FBXL15: variants seen among roughly 807,000 people sequenced by gnomAD.
FBXL15 encodes F-box and leucine rich repeat protein 15.
Under a neutral mutation model 23.6 loss-of-function variants are expected in FBXL15, and 19 were observed. The ratio of observed to expected loss-of-function variants is 0.81; its 90% CI spans 0.56 to 1.18. The LOEUF is 1.18. Ranked by LOEUF, FBXL15 falls within the 50% of genes most tolerant of loss-of-function variation. FBXL15 has a pLI of 0.00. For synonymous variants in FBXL15, 224 were observed against 207.7 expected, an observed-to-expected ratio of 1.08 and a Z score of -0.67; for missense variants, 385 against 425.4, an observed-to-expected ratio of 0.91 and a Z score of 0.83.
chr10:102,421,998 C>T lies in FBXL15; in HGVS notation c.419C>T (p.Pro140Leu), dbSNP rs1290544921. The T allele has an allele frequency of 2.5e-6, 4 of 1,595,008 alleles. No individual in the cohort carries two copies. The highest frequency in any genetic ancestry group is 1.1e-5 in the South Asian group (1 of 90,068). The change falls in exon 3 of 4, where the codon CCA becomes CTA. Residue 140 changes from proline (P) to leucine (L), a missense_variant. Coordinates refer to ENST00000369956, the MANE Select transcript of FBXL15 (RefSeq NM_024326.4). ...CTTGGGGCTTTGGCCGAGGGCTGCC[C>T]ACGCCTGCAGCGCCTGTCGCTCGCG... ...RALGALAEGCPRLQRLSLAHC... is the reference protein window; with the variant it reads ...RALGALAEGCLRLQRLSLAHC...
rs772386816 is a variant in FBXL15, at chr10:102,421,129, G to T, written c.-1G>T. The T allele has an allele frequency of 6.2e-7, 1 of 1,609,076 alleles. No homozygotes were observed. Among genetic ancestry groups the T allele is most frequent in the Non-Finnish European group, 8.5e-7 (1 of 1,177,730 alleles). ...TACTGCGCACGCGCAATAGACAGCCGATGGAGCCACCGATGGAGCCGTCCG... is the reference window on the plus strand; with the variant it reads ...TACTGCGCACGCGCAATAGACAGCCTATGGAGCCACCGATGGAGCCGTCCG... On this transcript the variant is annotated 5_prime_UTR_variant, in exon 1 of 4. Coordinates refer to ENST00000369956, the MANE Select transcript of FBXL15 (RefSeq NM_024326.4).
intron 3 of FBXL15, among the ~76,000 whole-genome samples, chr10:102,422,591 C>G (rs979880495): frequency 1.3e-5 from 2 of 152,194 alleles, no homozygotes; most frequent in African/African-American, 2.4e-5. Context: ...CAGGTTCCCC[C>G]CTTAAATGAG....
At position 102,422,791 on chromosome 10, in the gene FBXL15, G is replaced by C; in HGVS notation, c.714-13G>C. ...GGCCTCATGTCCCTAGCCTCACCCTGCTCCTCCCTCAGGACATTGGCCGAG... is the reference window on the plus strand; with the variant it reads ...GGCCTCATGTCCCTAGCCTCACCCTCCTCCTCCCTCAGGACATTGGCCGAG... On this transcript the variant is annotated splice_polypyrimidine_tract_variant and intron_variant, in intron 3 of 3. Transcript: ENST00000369956. 2 of 1,598,066 alleles carry C rather than the reference G, an allele frequency of 1.3e-6. No homozygotes were observed. The highest frequency in any genetic ancestry group is 1.7e-6 in the Non-Finnish European group (2 of 1,178,390).
Position 102,423,076 on chromosome 10 carries a change from C to T in FBXL15, c.*83C>T. 7.2e-7 allele frequency: 1 copy of T among 1,385,048 alleles called. No homozygotes were observed. Among genetic ancestry groups the T allele is most frequent in the Non-Finnish European group, 9.7e-7 (1 of 1,033,890 alleles). The allele number at this position is 1,385,048 out of a possible 1,614,324, so 85.8% of individuals were successfully genotyped here. On this transcript the variant is annotated 3_prime_UTR_variant, in exon 4 of 4. Coordinates refer to ENST00000369956, the MANE Select transcript of FBXL15 (RefSeq NM_024326.4). The surrounding 1 kb of genome is among the most constrained non-coding windows in gnomAD (Gnocchi z 5.6). ...TAGGGAAACTGAACTGTGAGGACCT[C>T]TGGTGAGAGGCCAGTGCCCTGCCCC...
Position 102,422,926 on chromosome 10 carries a change from T to C in FBXL15, c.836T>C (p.Leu279Pro). ...RGVDIDVEPP[L>P]HQALVLLQDM... ...GTGGACATCGACGTGGAGCCGCCGC[T>C]GCACCAGGCCCTGGTGCTGCTGCAG... is the stretch of plus-strand genomic sequence containing the variant. Residue 279 changes from leucine (L) to proline (P), a missense_variant, in exon 4 of 4, where the codon CTG becomes CCG. Leu to Pro is a moderately conservative substitution (Grantham distance 98, BLOSUM62 -3). Around this residue, in one of 2 missense-constraint regions of FBXL15, gnomAD observed 255 missense variants for 330.2 expected, o/e 0.77. Coordinates refer to ENST00000369956, the MANE Select transcript of FBXL15 (RefSeq NM_024326.4). 1 of 1,608,322 alleles carries C rather than the reference T, an allele frequency of 6.2e-7. No individual in the cohort carries two copies. Among genetic ancestry groups the C allele is most frequent in the East Asian group, 2.2e-5 (1 of 44,654 alleles).
rs367692483 is a variant in FBXL15, at chr10:102,421,094, G to A, written c.-36G>A. On this transcript the variant is annotated 5_prime_UTR_variant, in exon 1 of 4. Transcript: ENST00000369956. ...GGTGCGGCCACTCCAAGGCCAAAGC[G>A]AGAAAATCTTACTGCGCACGCGCAA... 7 of 1,591,768 alleles carry A rather than the reference G, an allele frequency of 4.4e-6. No individual in the cohort carries two copies. The highest frequency in any genetic ancestry group is 1.3e-5 in the African/African-American group (1 of 74,574).
intron 2 of FBXL15, 130 bp from the exon 3 acceptor site, chr10:102,421,657 C>G: frequency 1.4e-6 from 2 of 1,431,864 alleles, no homozygotes; most frequent in African/African-American, 2.9e-5. Flanking sequence ...TACTCGGTAG[C>G]GACTCAGAGG....
In FBXL15 at chr10:102,422,881, G is replaced by A; in HGVS notation, c.791G>A (p.Ser264Asn). The stretch of plus-strand genomic sequence containing the variant: ...CACCATGTGGCGGAGTCCAGCCTGA[G>A]CCGCTTGCGGAAGCGCGGCGTGGAC... The part of the protein sequence containing the change: ...HCHHVAESSL[S>N]RLRKRGVDID... Residue 264 changes from serine to asparagine, a missense_variant, in exon 4 of 4, where the codon AGC becomes AAC. By Grantham distance (46) the Ser-to-Asn change is conservative. Transcript: ENST00000369956. 1 of 1,610,356 alleles carries A rather than the reference G, an allele frequency of 6.2e-7. No individual in the cohort carries two copies. Among genetic ancestry groups the A allele is most frequent in the Non-Finnish European group, 8.5e-7 (1 of 1,179,140 alleles).
chr10:102,421,249 G>A (rs111522958), intron 1 of FBXL15, 67 bp downstream of exon 1: 2 of 1,580,132 alleles, frequency 1.3e-6, no homozygotes, highest in African/African-American at 1.4e-5. Flanking sequence ...CCGGGGCTGG[G>A]TCTGGGGGCC....
At position 102,422,005 on chromosome 10, in the gene FBXL15, G is replaced by A. The variant is rs764709646; in HGVS notation, c.426G>A (p.Leu142=). The change falls in exon 3 of 4, where the codon CTG becomes CTA. Residue 142 remains leucine (L), a synonymous_variant. Coordinates refer to ENST00000369956, the MANE Select transcript of FBXL15 (RefSeq NM_024326.4). ...CTTTGGCCGAGGGCTGCCCACGCCTGCAGCGCCTGTCGCTCGCGCACTGTG... is the reference window on the plus strand; with the variant it reads ...CTTTGGCCGAGGGCTGCCCACGCCTACAGCGCCTGTCGCTCGCGCACTGTG... ...LGALAEGCPR[L]QRLSLAHCDW... is the part of the protein sequence containing the mutation. The A allele has an allele frequency of 3.0e-4, 479 of 1,594,726 alleles. 1 individual carries two copies. Among genetic ancestry groups the A allele is most frequent in the Non-Finnish European group, 3.9e-4 (455 of 1,176,956 alleles).
At position 102,421,525 on chromosome 10, in the gene FBXL15, GC is replaced by G; in HGVS notation, c.207+22del. ...CCGCGCAGGTGAGCCGGGGGCTGAA[GC>G]CCCGCCCCTGCCTGGGTACCGCCCC... On this transcript the variant is annotated intron_variant, in intron 2 of 3. Transcript: ENST00000369956. 6.9e-7 allele frequency: 1 copy of G among 1,451,160 alleles called. No individual in the cohort carries two copies. The highest frequency in any genetic ancestry group is 9.0e-7 in the Non-Finnish European group (1 of 1,105,194). 89.9% of individuals were successfully genotyped at this position (1,451,160 alleles called of 1,614,324 possible).
At position 102,421,954 on chromosome 10, in the gene FBXL15, G is replaced by C; in HGVS notation, c.375G>C (p.Gly125=). Residue 125 remains glycine (G), a synonymous_variant, in exon 3 of 4, where the codon GGG becomes GGC. Coordinates refer to ENST00000369956, the MANE Select transcript of FBXL15 (RefSeq NM_024326.4). ...QLRSVALGGC[G]QLSRRALGAL... is the part of the protein sequence containing the mutation. ...GGAGTGTGGCGTTGGGCGGCTGCGG[G>C]CAACTGAGTCGCCGGGCGCTTGGGG... 1 of 1,600,998 alleles carries C rather than the reference G, an allele frequency of 6.2e-7. No homozygotes were observed. The highest frequency in any genetic ancestry group is 8.5e-7 in the Non-Finnish European group (1 of 1,178,452).
rs752694284 is a variant in FBXL15, at chr10:102,422,890, G to A, written c.800G>A (p.Arg267Gln). The A allele has an allele frequency of 5.0e-6, 8 of 1,609,508 alleles. No individual in the cohort carries two copies. The highest frequency in any genetic ancestry group is 4.0e-5 in the African/African-American group (3 of 74,880). The change falls in exon 4 of 4, where the codon CGG becomes CAG. Residue 267 changes from arginine (R) to glutamine (Q), a missense_variant. Around this residue, in one of 2 missense-constraint regions of FBXL15, gnomAD observed 255 missense variants for 330.2 expected, o/e 0.77. Coordinates refer to ENST00000369956, the MANE Select transcript of FBXL15 (RefSeq NM_024326.4). Reference protein sequence around the residue: ...HVAESSLSRLRKRGVDIDVEP... With the variant: ...HVAESSLSRLQKRGVDIDVEP... ...GCGGAGTCCAGCCTGAGCCGCTTGCGGAAGCGCGGCGTGGACATCGACGTG... is the reference window on the plus strand; with the variant it reads ...GCGGAGTCCAGCCTGAGCCGCTTGCAGAAGCGCGGCGTGGACATCGACGTG...
At chr10:102,421,279 C>A in intron 1 of FBXL15, 75 bp from the exon 2 acceptor site, 1 of 1,566,586 alleles carries the variant, frequency 6.4e-7, no homozygotes. Context: ...AGCTGGGGCG[C>A]AGGAACATAA....
Position 102,422,053 on chromosome 10 carries a change from G to T in FBXL15, c.474G>T (p.Leu158=). The change falls in exon 3 of 4, where the codon CTG becomes CTT. Residue 158 remains leucine, a synonymous_variant. Coordinates refer to ENST00000369956, the MANE Select transcript of FBXL15 (RefSeq NM_024326.4). ...GTGACTGGGTGGACGGGCTGGCGCT[G>T]CGCGGCCTCGCTGATCGCTGCCCGG... is the stretch of plus-strand genomic sequence containing the variant. ...AHCDWVDGLA[L]RGLADRCPAL... The T allele has an allele frequency of 6.3e-7, 1 of 1,590,794 alleles. No homozygotes were observed. The highest frequency in any genetic ancestry group is 8.5e-7 in the Non-Finnish European group (1 of 1,173,834).
At chr10:102,421,286 A>G in intron 1 of FBXL15, 68 bp from the exon 2 acceptor site, 2 of 1,559,984 alleles carry the variant, frequency 1.3e-6, no homozygotes, top group East Asian at 2.3e-5. Context: ...GCGCAGGAAC[A>G]TAACGGAGGC....
chr10:102,421,291 G>T, intron 1 of FBXL15, 63 bp from the exon 2 acceptor site: 3 of 1,559,206 alleles, frequency 1.9e-6, no homozygotes, highest in East Asian at 2.3e-5. Context: ...GGAACATAAC[G>T]GAGGCGGACT....
chr10:102,422,706 C>T (rs889529905), intron 3 of FBXL15, 98 bp from the exon 4 acceptor site: 4 of 1,320,476 alleles, frequency 3.0e-6, no homozygotes, highest in African/African-American at 2.9e-5. Flanking sequence ...GGGATTTTGC[C>T]GGAGCCAGTC....
In FBXL15 at chr10:102,423,037, C is replaced by G; in HGVS notation, c.*44C>G. 5 of 1,490,248 alleles carry G rather than the reference C, an allele frequency of 3.4e-6. No individual in the cohort carries two copies. The highest frequency in any genetic ancestry group is 2.2e-5 in the Admixed American group (1 of 45,854). 92.3% of individuals were successfully genotyped at this position (1,490,248 alleles called of 1,614,324 possible). A position where few individuals can be genotyped will look rare whatever the true frequency, so the allele number is the denominator to read the frequency against. The stretch of plus-strand genomic sequence containing the variant: ...CACAGCTGGACTGTGTGGCTGGGGC[C>G]TGACACTGAGCTGTAGGGAAACTGA... On this transcript the variant is annotated 3_prime_UTR_variant, in exon 4 of 4. Transcript: ENST00000369956. The surrounding 1 kb of genome is among the most constrained non-coding windows in gnomAD (Gnocchi z 5.6).
Sources: allele counts gnomAD v4.1 joint callset (sites outside exome capture counted in the v4.1 genomes callset), GRCh38; gene constraint gnomAD v4.1.1; regional missense constraint gnomAD v4.1.1; non-coding constraint Gnocchi (gnomAD v3.1); transcripts MANE v1.5; gene names NCBI Gene and HGNC (gene_info 2026-07-23, HGNC 2026-07-21).